Variants in NBPF12 observed in about 807,000 individuals in gnomAD.
NBPF12 encodes the protein NBPF member 12.
In NBPF12, 115 loss-of-function variants were observed where a neutral mutation model predicts 146.4. The observed-to-expected ratio is 0.79, with a 90% CI of 0.68 to 0.92. NBPF12 has a LOEUF of 0.92. NBPF12 is among the 40% of genes least tolerant of loss of function. The pLI is 0.00. For missense variants in NBPF12, 1,205 were observed against 1,326.8 expected (o/e 0.91, Z 1.43); for synonymous variants, 385 against 508.9 (o/e 0.76, Z 3.28).
chr1:146,972,944 G>C, exon 14 of NBPF12: 2 of 926,414 alleles, frequency 2.2e-6, no homozygotes, highest in Non-Finnish European at 3.6e-6. Flanking sequence ...TCCTGGCCAA[G>C]CAGCAGAACA....
rs1273826570 is a variant in NBPF12 at position 146,969,226 on chromosome 1, C to A, written c.1092-156C>A. On this transcript the variant is annotated intron_variant, in intron 10 of 33. Transcript: ENST00000617844. ...AGAGGAAGCCTGTAAACCATTTTCT[C>A]TTCTTTCTCTTGGCCACAGTCATTC... Among the ~76,000 whole-genome samples, 62 of 150,918 alleles carry A rather than the reference C, an allele frequency of 4.1e-4. 1 individual carries two copies. The highest frequency in any genetic ancestry group is 3.4e-3 in the Middle Eastern group (1 of 294).
intron 4 of NBPF12, among the ~76,000 whole-genome samples, chr1:146,961,368 A>G (rs1655839416): frequency 3.3e-5 from 5 of 151,420 alleles, no homozygotes; most frequent in Admixed American, 3.3e-4. Flanking sequence ...TCTGTCCCTC[A>G]GTTTCCTCAT....
chr1:146,968,996 T>C (rs1308809982), intron 10 of NBPF12, among the ~76,000 whole-genome samples: 4 of 151,584 alleles, frequency 2.6e-5, no homozygotes, highest in African/African-American at 9.8e-5. Context: ...CCCATCTGCA[T>C]CTGGCCTCAT....
chr1:146,994,626 G>A lies in NBPF12; in HGVS notation c.*51G>A, dbSNP rs879989291. On this transcript the variant is annotated 3_prime_UTR_variant, in exon 34 of 34. Coordinates refer to ENST00000617844, the Ensembl canonical transcript of NBPF12. ...TCATTCCTGCAGGCAGGACCTATAG[G>A]CACCTGAAGATTTGAATGAAACTAT... The A allele has an allele frequency of 5.9e-5, 93 of 1,587,610 alleles. 1 individual carries two copies. The African/African-American group carries it at 6.8e-4, about 12-fold the overall frequency.
intron 6 of NBPF12, among the ~76,000 whole-genome samples, chr1:146,963,907 AAC>A (rs1656023164): frequency 7.0e-6 from 1 of 142,800 alleles, no homozygotes; most frequent in South Asian, 2.5e-4. Flanking sequence ...GTCCCTGAAT[AAC>A]ACAGCAGAAG....
At chr1:146,946,512 CTTTTTTTTTT>C (rs3071268), upstream of NBPF12, among the ~76,000 whole-genome samples, 8 of 41,042 alleles carry the variant, frequency 1.9e-4, no homozygotes, top group African/African-American at 5.0e-4. Context: ...GATCTTTCAC[CTTTTTTTTTT>C]TTTTTTTTTT....
chr1:146,963,747 G>C (rs1312216480), intron 6 of NBPF12, among the ~76,000 whole-genome samples: 1 of 148,978 alleles, frequency 6.7e-6, no homozygotes, highest in Non-Finnish European at 1.5e-5. Context: ...TTCTTGCAAG[G>C]GTCTGAAGCA....
chr1:146,957,878 A>G (rs1336309701), intron 2 of NBPF12, among the ~76,000 whole-genome samples: 1 of 54,726 alleles, frequency 1.8e-5, no homozygotes, highest in Non-Finnish European at 3.0e-5. Flanking sequence ...TATATTGTAT[A>G]TTATGTATAT....
chr1:146,946,409 G>A (rs1174495118), upstream of NBPF12, among the ~76,000 whole-genome samples: 491 of 148,770 alleles, frequency 3.3e-3, 18 homozygotes, highest in African/African-American at 0.012. Context: ...GTGATATCTC[G>A]TTGTTTTAAT....
At chr1:146,994,399 T>C in exon 34 of NBPF12, 1 of 1,612,354 alleles carries the variant, frequency 6.2e-7, no homozygotes, top group Non-Finnish European at 8.5e-7. Context: ...TAGATGTTAT[T>C]CGACTCCATC....
At chr1:146,948,280 G>A (rs1416036845), upstream of NBPF12, among the ~76,000 whole-genome samples, 11 of 152,024 alleles carry the variant, frequency 7.2e-5, no homozygotes, top group African/African-American at 2.4e-4. Context: ...AAAGTGCTAG[G>A]ATTACAGATA....
In NBPF12 at chr1:146,971,167, C is replaced by A; in HGVS notation, c.1380-16C>A. The A allele has an allele frequency of 6.2e-7, 1 of 1,610,934 alleles. No homozygotes were observed. Among genetic ancestry groups the A allele is most frequent in the Non-Finnish European group, 8.5e-7 (1 of 1,179,624 alleles). ...TGTTTAATCTTCTGTCATCTCTGTCCCACCTGGCTCATCAGGGAGATGCAG... is the reference window on the plus strand; with the variant it reads ...TGTTTAATCTTCTGTCATCTCTGTCACACCTGGCTCATCAGGGAGATGCAG... On this transcript the variant is annotated splice_polypyrimidine_tract_variant and intron_variant, in intron 12 of 33. Transcript: ENST00000617844.
rs1313955078 is a variant in NBPF12 at position 146,970,868 on chromosome 1, T to C, written c.1379+149T>C. On this transcript the variant is annotated intron_variant, in intron 12 of 33. Coordinates refer to ENST00000617844, the Ensembl canonical transcript of NBPF12. ...TTCAACCCAGCTTAGACACAGGGTGTGGCAGCTGTCGTGTTTCTGTATGTG... is the reference window on the plus strand; with the variant it reads ...TTCAACCCAGCTTAGACACAGGGTGCGGCAGCTGTCGTGTTTCTGTATGTG... 9,570 of 980,360 alleles carry C rather than the reference T, an allele frequency of 9.8e-3. 844 individuals are homozygous for C. In the African/African-American group the frequency reaches 0.13, roughly 13 times the overall value. 60.7% of individuals were successfully genotyped at this position (980,360 alleles called of 1,614,324 possible). A position where few individuals can be genotyped will look rare whatever the true frequency, so the allele number is the denominator to read the frequency against.
At chr1:146,965,713 A>T (rs1294363757) in intron 8 of NBPF12, among the ~76,000 whole-genome samples, 1 of 142,574 alleles carries the variant, frequency 7.0e-6, no homozygotes, top group Non-Finnish European at 1.5e-5. Context: ...AATGGCATGA[A>T]CCCAGGAACC....
intron 2 of NBPF12, among the ~76,000 whole-genome samples, chr1:146,955,832 T>C (rs1206205429): frequency 6.6e-6 from 1 of 151,554 alleles, no homozygotes; most frequent in Non-Finnish European, 1.5e-5. Flanking sequence ...GGGGAGTTTC[T>C]TCAGACCCCC....
In NBPF12 at chr1:146,963,013, G is replaced by A. The variant is rs1481775234; in HGVS notation, c.279-82G>A. ...GCTTGAAGGTCTCCTTGAGAACATT[G>A]TCTCAGAAATCTCTGTTGCAATATT... On this transcript the variant is annotated intron_variant, in intron 5 of 33. Transcript: ENST00000617844. 12 of 1,459,722 alleles carry A rather than the reference G, an allele frequency of 8.2e-6. No individual in the cohort carries two copies. In the Admixed American group the frequency reaches 8.4e-5, roughly 10 times the overall value. 90.4% of individuals were successfully genotyped at this position (1,459,722 alleles called of 1,614,324 possible). A position where few individuals can be genotyped will look rare whatever the true frequency, so the allele number is the denominator to read the frequency against.
At chr1:146,989,450 C>T (rs1426214345) in intron 27 of NBPF12, 124 bp from the exon 31 acceptor site, 1 of 1,043,836 alleles carries the variant, frequency 9.6e-7, no homozygotes, top group African/African-American at 1.5e-5. Context: ...TAATTTGTTA[C>T]CTCATTAATG....
chr1:146,968,408 C>G, intron 9 of NBPF12, 40 bp from the exon 13 acceptor site: 1 of 1,491,920 alleles, frequency 6.7e-7, no homozygotes, highest in East Asian at 2.2e-5. Context: ...AGCAGCATGT[C>G]CAGCCTTCCA....
upstream of NBPF12, among the ~76,000 whole-genome samples, chr1:146,945,103 C>T (rs1293887871): frequency 2.5e-4 from 37 of 146,826 alleles, 1 homozygote; most frequent in African/African-American, 8.6e-4. Context: ...TCCTTCCCTC[C>T]CTCCCTCCAT....
Sources: allele counts gnomAD v4.1 joint callset (sites outside exome capture counted in the v4.1 genomes callset), GRCh38; gene constraint gnomAD v4.1.1; transcripts MANE v1.5; gene names NCBI Gene and HGNC (gene_info 2026-07-23, HGNC 2026-07-21).